The following LRRK1 variants were observed in gnomAD, a reference collection of about 807,000 sequenced individuals.
The protein encoded by LRRK1 is leucine-rich repeat serine/threonine-protein kinase 1.
LRRK1 carries 113 observed loss-of-function variants against 209.1 expected under a neutral mutation model. The observed-to-expected ratio is 0.54, with a 90% CI of 0.46 to 0.63. LRRK1 has a LOEUF of 0.63. Among genes scored for constraint, LRRK1 ranks in the 30% least tolerant of loss-of-function variants. The probability of loss-of-function intolerance (pLI) is 0.00; values close to 1 mark genes in which losing one functional copy is unlikely to be tolerated. For missense variants in LRRK1, 2,284 were observed against 2,632.2 expected (o/e 0.87, Z 2.89); for synonymous variants, 1,144 against 1,099.7 (o/e 1.04, Z -0.80).
At chr15:101,067,420 AATGTGTGT>A (rs1468970933) in intron 33 of LRRK1, 2 of 346,934 alleles carry the variant, frequency 5.8e-6, no homozygotes, top group African/African-American at 6.3e-5. Flanking sequence ...CCTCAGTTCA[AATGTGTGT>A]GTGTGTGTGT....
At chr15:101,011,285 G>C (rs1019868541) in intron 9 of LRRK1, among the ~76,000 whole-genome samples, 1 of 151,156 alleles carries the variant, frequency 6.6e-6, no homozygotes, top group Non-Finnish European at 1.5e-5. Context: ...TGGCCAACAT[G>C]GTGAAACCCC....
At position 101,070,791 on chromosome 15, in the gene LRRK1, TAAAAAAAA is replaced by T. The variant is rs5814994; in HGVS notation, c.*1952_*1959del. On this transcript the variant is annotated 3_prime_UTR_variant, in exon 34 of 34. Coordinates refer to ENST00000388948, the MANE Select transcript of LRRK1 (RefSeq NM_024652.6). ...GGGTGACAGAGCAAGACCCAACTCT[TAAAAAAAA>T]AAAAAAAATACAGGAAATGACTAAT... is the stretch of plus-strand genomic sequence containing the variant. The T allele has an allele frequency of 4.4e-5, 6 of 137,486 alleles. No homozygotes were observed. The highest frequency in any genetic ancestry group is 7.9e-5 in the Non-Finnish European group (5 of 63,604). 8.5% of individuals were successfully genotyped at this position (137,486 alleles called of 1,614,324 possible).
chr15:100,947,989 T>C (rs1310256138), intron 2 of LRRK1, among the ~76,000 whole-genome samples: 2 of 152,222 alleles, frequency 1.3e-5, no homozygotes, highest in African/African-American at 2.4e-5. Flanking sequence ...CTGAAGTCTT[T>C]AAGACAGTTG....
chr15:101,046,461 G>A lies in LRRK1; in HGVS notation c.3135+309G>A, dbSNP rs117167437. 9.7e-3 allele frequency among the ~76,000 whole-genome samples: 1,478 copies of A among 152,334 alleles called. 36 individuals carry two copies. Among genetic ancestry groups the A allele is most frequent in the Middle Eastern group, 6.8e-3 (2 of 294 alleles). ...AGAACACAGTTTGGTGGCCCCACCC[G>A]AGGTTCTGATTCAGTAGGTGTGGAC... is the stretch of plus-strand genomic sequence containing the variant. On this transcript the variant is annotated intron_variant, in intron 21 of 33. Transcript: ENST00000388948.
intron 2 of LRRK1, among the ~76,000 whole-genome samples, chr15:100,963,173 T>C (rs1378236093): frequency 2.6e-5 from 4 of 151,948 alleles, no homozygotes; most frequent in African/African-American, 7.3e-5. Context: ...GTTTTTCCTG[T>C]GGTTTGTCAC....
Position 100,941,466 on chromosome 15 carries a change from G to GTGTGTGTCTGTGTGTGTCTATGTC in LRRK1, c.97+16744_97+16745insCTGTGTGTGTCTATGTCTGTGTGT, listed in dbSNP as rs1567191251. 1.8e-3 allele frequency among the ~76,000 whole-genome samples: 196 copies of GTGTGTGTCTGTGTGTGTCTATGTC among 108,464 alleles called. 8 individuals carry two copies. Among genetic ancestry groups the GTGTGTGTCTGTGTGTGTCTATGTC allele is most frequent in the African/African-American group, 5.6e-3 (133 of 23,934 alleles). The allele number at this position is 108,464 out of a possible 152,430, so 71.2% of individuals were successfully genotyped here. On this transcript the variant is annotated intron_variant, in intron 2 of 33. Coordinates refer to ENST00000388948, the MANE Select transcript of LRRK1 (RefSeq NM_024652.6). Reference sequence around the variant, plus strand: ...TGTGTCTGTGTGTGTCTATGTCTCTGTGTGTGTGTGTGTGTGTGTGTGTGT... The same window carrying GTGTGTGTCTGTGTGTGTCTATGTC: ...TGTGTCTGTGTGTGTCTATGTCTCTGTGTGTGTCTGTGTGTGTCTATGTCTGTGTGTGTGTGTGTGTGTGTGTGT...
chr15:101,005,521 T>A (rs953859590), intron 6 of LRRK1, among the ~76,000 whole-genome samples: 3 of 152,254 alleles, frequency 2.0e-5, no homozygotes, highest in Non-Finnish European at 4.4e-5. Context: ...AATACAGAGC[T>A]GTGTCCCATC....
At chr15:101,054,863 C>T in intron 26 of LRRK1, 83 bp from the exon 27 acceptor site, 1 of 1,223,786 alleles carries the variant, frequency 8.2e-7, no homozygotes, top group South Asian at 1.5e-5. Flanking sequence ...GATCGGAAGA[C>T]AAAAAGACAG....
chr15:101,021,613 G>C (rs769539383), intron 13 of LRRK1: 1 of 540,420 alleles, frequency 1.9e-6, no homozygotes, highest in Non-Finnish European at 3.3e-6. Flanking sequence ...AAAGTTGGGG[G>C]AGGGGACTCA....
At chr15:101,066,321 G>C in intron 32 of LRRK1, 116 bp downstream of exon 32, 1 of 1,372,632 alleles carries the variant, frequency 7.3e-7, no homozygotes, top group South Asian at 1.4e-5. Flanking sequence ...GGCAGGTGCT[G>C]TTCTTCCAAG....
At chr15:101,062,764 T>C in intron 31 of LRRK1, 74 bp downstream of exon 31, 1 of 1,113,476 alleles carries the variant, frequency 9.0e-7, no homozygotes, top group Non-Finnish European at 1.4e-6. Context: ...CCTAGCTATG[T>C]CAGGGTGGCG....
At chr15:100,958,870 C>G (rs777511800) in intron 2 of LRRK1, among the ~76,000 whole-genome samples, 1 of 152,170 alleles carries the variant, frequency 6.6e-6, no homozygotes, top group African/African-American at 2.4e-5. Flanking sequence ...CTCCCGGGCT[C>G]TCTGTGCTCT....
chr15:100,928,864 C>T (rs73480689), intron 2 of LRRK1, among the ~76,000 whole-genome samples: 11,617 of 152,104 alleles, frequency 0.076, 504 homozygotes, highest in African/African-American at 0.1. Flanking sequence ...CCCTGCCGTG[C>T]GGCCCGCTGT....
Position 101,053,302 on chromosome 15 carries a change from C to A in LRRK1, c.3936C>A (p.His1312Gln). The A allele has an allele frequency of 1.2e-6, 2 of 1,605,762 alleles. No individual in the cohort carries two copies. The highest frequency in any genetic ancestry group is 1.7e-6 in the Non-Finnish European group (2 of 1,179,774). ...TCCGGCAGGAGGCCAGCATGCTGCACGCGCTGCAGCACCCCTGCATCGTGG... is the reference window on the plus strand; with the variant it reads ...TCCGGCAGGAGGCCAGCATGCTGCAAGCGCTGCAGCACCCCTGCATCGTGG... ...SEFRQEASML[H>Q]ALQHPCIVAL... The change falls in exon 26 of 34, where the codon CAC (histidine) becomes CAA (glutamine). Residue 1312 changes from histidine (H) to glutamine (Q), a missense_variant. Physicochemically the swap from His to Gln is conservative, Grantham distance 24 (BLOSUM62 0). Transcript: ENST00000388948.
At position 101,037,220 on chromosome 15, in the gene LRRK1, G is replaced by A. The variant is rs1020471021; in HGVS notation, c.2963+7988G>A. Among the ~76,000 whole-genome samples the A allele has an allele frequency of 4.4e-4, 67 of 152,212 alleles. 3 individuals carry two copies. The highest frequency in any genetic ancestry group is 3.6e-3 in the Admixed American group (55 of 15,288). ...GAAAACCTTGTAGGTCCTGAGCAGT[G>A]CATGCTGGTATTGGCAGTGGCTGCA... On this transcript the variant is annotated intron_variant, in intron 20 of 33. Transcript: ENST00000388948.
Position 101,058,002 on chromosome 15 carries a change from C to T in LRRK1, c.4540C>T (p.Leu1514=). 1 of 1,614,182 alleles carries T rather than the reference C, an allele frequency of 6.2e-7. No individual in the cohort carries two copies. Among genetic ancestry groups the T allele is most frequent in the Non-Finnish European group, 8.5e-7 (1 of 1,180,018 alleles). ...DTKPEKRPLA[L]SVVSQMKDPT... is the part of the protein sequence containing the mutation. ...TTCTCTCCCTCAGCGACCGCTGGCCCTGTCGGTGGTGAGCCAGATGAAGGA... is the reference window on the plus strand; with the variant it reads ...TTCTCTCCCTCAGCGACCGCTGGCCTTGTCGGTGGTGAGCCAGATGAAGGA... Residue 1514 remains leucine, a synonymous_variant, in exon 29 of 34, where the codon CTG becomes TTG. Coordinates refer to ENST00000388948, the MANE Select transcript of LRRK1 (RefSeq NM_024652.6).
chr15:101,051,598 A>C, intron 23 of LRRK1, 113 bp from the exon 24 acceptor site: 1 of 1,375,970 alleles, frequency 7.3e-7, no homozygotes, highest in Non-Finnish European at 9.9e-7. Context: ...ACAGGCCAGG[A>C]CAGGCAGCTC....
At chr15:100,988,521 A>T in intron 4 of LRRK1, 113 bp from the exon 5 acceptor site, 1 of 946,546 alleles carries the variant, frequency 1.1e-6, no homozygotes, top group Non-Finnish European at 1.7e-6. Flanking sequence ...GTGCAAATGT[A>T]CCACATTTTA....
At chr15:100,953,234 T>C (rs931399087) in intron 2 of LRRK1, among the ~76,000 whole-genome samples, 1 of 152,162 alleles carries the variant, frequency 6.6e-6, no homozygotes, top group Non-Finnish European at 1.5e-5. Flanking sequence ...TCCCCGAACT[T>C]ACTCATCTTA....
Sources: allele counts gnomAD v4.1 joint callset (sites outside exome capture counted in the v4.1 genomes callset), GRCh38; gene constraint gnomAD v4.1.1; transcripts MANE v1.5; gene names NCBI Gene and HGNC (gene_info 2026-07-23, HGNC 2026-07-21).